The following KDM4C variants were observed in gnomAD, a reference collection of about 807,000 sequenced individuals.
KDM4C encodes the protein lysine-specific demethylase 4C.
Under a neutral mutation model 129.3 loss-of-function variants are expected in KDM4C, and 81 were observed. That is an observed-to-expected ratio of 0.63 (90% confidence interval 0.52 to 0.75). KDM4C has a LOEUF of 0.75. Ranked by LOEUF, KDM4C falls within the 30% of genes least tolerant of loss-of-function variation. The pLI, the probability that KDM4C is intolerant of heterozygous loss-of-function variation, is 0.00. For missense variants in KDM4C, 1,457 were observed against 1,304.0 expected (o/e 1.12, Z -1.81); for synonymous variants, 573 against 456.1 (o/e 1.26, Z -3.26).
intron 8 of KDM4C, among the ~76,000 whole-genome samples, chr9:6,933,463 C>T (rs1041133730): frequency 1.3e-5 from 2 of 152,150 alleles, no homozygotes; most frequent in Admixed American, 6.5e-5. Flanking sequence ...CATTCAGGGT[C>T]AACTTTCCTT....
At chr9:6,773,538 G>A (rs1258242258) in intron 1 of KDM4C, among the ~76,000 whole-genome samples, 1 of 152,150 alleles carries the variant, frequency 6.6e-6, no homozygotes, top group Non-Finnish European at 1.5e-5. Context: ...TTGGGAGGCT[G>A]AGACGGGCAG....
intron 21 of KDM4C, among the ~76,000 whole-genome samples, chr9:7,173,136 G>C (rs759448506): frequency 6.6e-6 from 1 of 152,206 alleles, no homozygotes; most frequent in Non-Finnish European, 1.5e-5. Flanking sequence ...TCCCCTGATG[G>C]GGAGAAACTT....
intron 12 of KDM4C, among the ~76,000 whole-genome samples, chr9:7,006,614 A>G (rs1038381592): frequency 2.0e-5 from 3 of 152,050 alleles, no homozygotes; most frequent in African/African-American, 4.8e-5. Context: ...GATTTTACCT[A>G]TAGGTAATTG....
chr9:7,033,145 T>A (rs1237872901), intron 15 of KDM4C, among the ~76,000 whole-genome samples: 3 of 144,962 alleles, frequency 2.1e-5, no homozygotes, highest in African/African-American at 5.1e-5. Flanking sequence ...TATGCTGGAT[T>A]TTTTTTTTTT....
chr9:6,853,322 CAA>C (rs57658011), intron 5 of KDM4C, among the ~76,000 whole-genome samples: 21 of 141,378 alleles, frequency 1.5e-4, no homozygotes, highest in African/African-American at 5.3e-4. Context: ...ACTGTTTCTA[CAA>C]AAAAAAAAAA....
At chr9:7,023,948 C>G (rs1349411148) in intron 15 of KDM4C, among the ~76,000 whole-genome samples, 2 of 152,124 alleles carry the variant, frequency 1.3e-5, no homozygotes, top group East Asian at 3.8e-4. Context: ...TTCCAAAATT[C>G]TTTTTGTTAT....
intron 8 of KDM4C, among the ~76,000 whole-genome samples, chr9:6,961,135 G>A (rs530244357): frequency 6.6e-6 from 1 of 152,152 alleles, no homozygotes; most frequent in East Asian, 1.9e-4. Flanking sequence ...TTGTGAGTTT[G>A]CAAACATTTG....
At chr9:6,791,646 G>C (rs965641313) in intron 1 of KDM4C, among the ~76,000 whole-genome samples, 36 of 152,206 alleles carry the variant, frequency 2.4e-4, no homozygotes, top group African/African-American at 8.7e-4. Context: ...CTAGGCCTTT[G>C]TACAGGTACG....
chr9:6,962,406 A>G (rs112723334), intron 8 of KDM4C, among the ~76,000 whole-genome samples: 1,682 of 152,336 alleles, frequency 0.011, 12 homozygotes, highest in Admixed American at 0.016. Context: ...TAATGTTCAG[A>G]TGAGTTAAGG....
intron 17 of KDM4C, among the ~76,000 whole-genome samples, chr9:7,073,806 G>T (rs1266068863): frequency 6.6e-6 from 1 of 152,142 alleles, no homozygotes; most frequent in African/African-American, 2.4e-5. Flanking sequence ...CTCTTGCCTG[G>T]TGTCAGATCT....
chr9:6,849,512 G>A lies in KDM4C; in HGVS notation c.441G>A (p.Val147=). The A allele has an allele frequency of 6.4e-7, 1 of 1,553,626 alleles. No homozygotes were observed. The highest frequency in any genetic ancestry group is 8.8e-7 in the Non-Finnish European group (1 of 1,141,422). The change falls in exon 5 of 22, where the codon GTG becomes GTA. Residue 147 remains valine (V), a synonymous_variant. Transcript: ENST00000381309. ...TTTTTTCTCTCTCATTCCAGGGTGT[G>A]GATGAATGGAACATAGCTCGCCTCA... ...DINGSIYDEG[V]DEWNIARLNT...
Position 6,740,397 on chromosome 9 carries a change from G to T in KDM4C, c.49+19400G>T, listed in dbSNP as rs536571797. ...TTTTTGTATTTTTAGTAGAGATGGG[G>T]TTTCACCGTGTTAGCCAGGATGGTC... On this transcript the variant is annotated intron_variant, in intron 1 of 17. Coordinates refer to the KDM4C transcript ENST00000536108. Among the ~76,000 whole-genome samples, 16 of 151,898 alleles carry T rather than the reference G, an allele frequency of 1.1e-4. No homozygotes were observed. The East Asian group carries it at 2.3e-3, about 22-fold the overall frequency.
intron 20 of KDM4C, among the ~76,000 whole-genome samples, chr9:7,165,612 A>G (rs904041427): frequency 6.6e-6 from 1 of 152,256 alleles, no homozygotes; most frequent in South Asian, 2.1e-4. Context: ...TGCCAGAAAG[A>G]TAAGTGACTA....
chr9:6,805,431 A>G (rs537493993), intron 2 of KDM4C, among the ~76,000 whole-genome samples, 168 bp from the exon 3 acceptor site: 1 of 152,120 alleles, frequency 6.6e-6, no homozygotes, highest in South Asian at 2.1e-4. Flanking sequence ...TTGCTATTGA[A>G]TAACATCATA....
At chr9:7,021,233 C>A (rs1467449042) in intron 15 of KDM4C, among the ~76,000 whole-genome samples, 1 of 151,576 alleles carries the variant, frequency 6.6e-6, no homozygotes, top group African/African-American at 2.4e-5. Context: ...CTCACTGCAA[C>A]CTCTGCCTCC....
At position 7,174,850 on chromosome 9, in the gene KDM4C, T is replaced by A; in HGVS notation, c.*121T>A. ...AGGTGACAGGGTGTGTCTCTGACAG[T>A]GGTAAATCGGGTTTCCAGAGTTTGG... On this transcript the variant is annotated 3_prime_UTR_variant, in exon 22 of 22. Transcript: ENST00000381309. 1.3e-6 allele frequency: 1 copy of A among 794,810 alleles called. No homozygotes were observed. Among genetic ancestry groups the A allele is most frequent in the Non-Finnish European group, 2.0e-6 (1 of 499,346 alleles). 49.2% of individuals were successfully genotyped at this position (794,810 alleles called of 1,614,324 possible). A position where few individuals can be genotyped will look rare whatever the true frequency, so the allele number is the denominator to read the frequency against.
rs189742967 is a variant in KDM4C at position 6,964,265 on chromosome 9, G to A, written c.922-16660G>A. Among the ~76,000 whole-genome samples, 53 of 148,748 alleles carry A rather than the reference G, an allele frequency of 3.6e-4. No homozygotes were observed. In the East Asian group the frequency reaches 0.01, roughly 29 times the overall value. On this transcript the variant is annotated intron_variant, in intron 8 of 21. Coordinates refer to ENST00000381309, the MANE Select transcript of KDM4C (RefSeq NM_015061.6). ...TCCCCTGACCCCCCAACAGGCCCAG[G>A]TGTGTGATATTCCCCATCCTGTGTC...
At chr9:7,072,351 A>G (rs1221530416) in intron 17 of KDM4C, among the ~76,000 whole-genome samples, 1 of 152,186 alleles carries the variant, frequency 6.6e-6, no homozygotes, top group East Asian at 1.9e-4. Context: ...TATCATAATC[A>G]CCCAAAAAAT....
chr9:6,931,280 A>G lies in KDM4C; in HGVS notation c.921+38048A>G, dbSNP rs371434646. Among the ~76,000 whole-genome samples, 5 of 152,076 alleles carry G rather than the reference A, an allele frequency of 3.3e-5. No individual in the cohort carries two copies. In the East Asian group the frequency reaches 7.7e-4, roughly 23 times the overall value. ...TAAAGGAGTGTATACTGAACAATAT[A>G]ATTTTAGTAATAAATAAATTGGTTA... is the stretch of plus-strand genomic sequence containing the variant. On this transcript the variant is annotated intron_variant, in intron 8 of 21. Transcript: ENST00000381309.
Sources: gnomAD v4.1 joint callset for allele counts (sites outside exome capture counted in the v4.1 genomes callset) on GRCh38, gnomAD v4.1.1 for gene constraint, MANE v1.5 for transcripts, NCBI Gene and HGNC (gene_info 2026-07-23, HGNC 2026-07-21) for gene names.